Variants in MYH15 observed in about 807,000 individuals in gnomAD.
MYH15 encodes myosin-15.
MYH15 carries 227 observed loss-of-function variants against 240.5 expected under a neutral mutation model. The ratio of observed to expected loss-of-function variants is 0.94; its 90% CI spans 0.85 to 1.05. The LOEUF (loss-of-function observed/expected upper bound fraction) is 1.05. Ranked by LOEUF, MYH15 falls within the 50% of genes least tolerant of loss-of-function variation. MYH15 has a pLI of 0.00. For missense variants in MYH15, 2,217 were observed against 2,247.5 expected (o/e 0.99, Z 0.27); for synonymous variants, 785 against 796.7 (o/e 0.99, Z 0.25).
intron 33 of MYH15, among the ~76,000 whole-genome samples, chr3:108,403,689 T>C (rs1471108635): frequency 3.3e-5 from 5 of 152,148 alleles, no homozygotes; most frequent in East Asian, 1.9e-4. Flanking sequence ...CTACCTATTA[T>C]AGTTATTATG....
intron 2 of MYH15, among the ~76,000 whole-genome samples, chr3:108,503,114 T>C (rs1329813735): frequency 6.6e-6 from 1 of 151,948 alleles, no homozygotes; most frequent in African/African-American, 2.4e-5. Flanking sequence ...AGGGAGATAG[T>C]GAAGCTGGGG....
upstream of MYH15, among the ~76,000 whole-genome samples, chr3:108,532,625 GCT>G (rs1340407254): frequency 1.3e-5 from 2 of 152,060 alleles, no homozygotes; most frequent in Non-Finnish European, 2.9e-5. Context: ...TCTCACTCTT[GCT>G]CTCTCTGTAC....
At chr3:108,392,890 T>C (rs1287326494) in intron 36 of MYH15, among the ~76,000 whole-genome samples, 1 of 152,230 alleles carries the variant, frequency 6.6e-6, no homozygotes, top group Non-Finnish European at 1.5e-5. Flanking sequence ...ATTTGTTCCC[T>C]TGGCCATCAA....
chr3:108,488,647 T>A (rs191885810), intron 9 of MYH15, among the ~76,000 whole-genome samples: 14 of 152,294 alleles, frequency 9.2e-5, no homozygotes, highest in African/African-American at 3.4e-4. Flanking sequence ...TAGTATCCTA[T>A]TGTGTATATA....
At chr3:108,399,903 T>G (rs2082491268) in intron 33 of MYH15, among the ~76,000 whole-genome samples, 1 of 152,122 alleles carries the variant, frequency 6.6e-6, no homozygotes, top group Admixed American at 6.5e-5. Context: ...AAACTAGAAC[T>G]AAAAACGTAT....
upstream of MYH15, among the ~76,000 whole-genome samples, chr3:108,533,044 T>A (rs1043625765): frequency 2.6e-5 from 4 of 152,082 alleles, no homozygotes; most frequent in Non-Finnish European, 5.9e-5. Flanking sequence ...AAATTTGTTG[T>A]TCCTAGTCTC....
chr3:108,391,266 T>A (rs1396386190), intron 37 of MYH15, among the ~76,000 whole-genome samples: 1 of 152,226 alleles, frequency 6.6e-6, no homozygotes, highest in African/African-American at 2.4e-5. Context: ...TATTACTCAT[T>A]TTTAAGCTCC....
intron 23 of MYH15, 46 bp from the exon 24 acceptor site, chr3:108,439,959 T>C (rs753866183): frequency 2.0e-6 from 3 of 1,485,652 alleles, no homozygotes; most frequent in Non-Finnish European, 2.7e-6. Flanking sequence ...TGCTGGAAAG[T>C]TGGGCATAAC....
chr3:108,411,553 C>T (rs1446764039), intron 30 of MYH15, among the ~76,000 whole-genome samples: 1 of 152,204 alleles, frequency 6.6e-6, no homozygotes, highest in Admixed American at 6.5e-5. Context: ...TAGCCCCCAT[C>T]TGCTGTTCCT....
chr3:108,424,972 G>T (rs541188266), intron 27 of MYH15, among the ~76,000 whole-genome samples: 4 of 152,196 alleles, frequency 2.6e-5, no homozygotes, highest in Non-Finnish European at 5.9e-5. Context: ...GTAATTGAGT[G>T]CAGAGACTCT....
intron 11 of MYH15, among the ~76,000 whole-genome samples, chr3:108,480,159 A>C (rs1426528532): frequency 3.3e-5 from 5 of 152,224 alleles, no homozygotes; most frequent in Non-Finnish European, 7.3e-5. Context: ...ACTGTGAAGT[A>C]GGGAAAGAGC....
chr3:108,452,516 T>C (rs908014004), intron 21 of MYH15, among the ~76,000 whole-genome samples: 2 of 152,260 alleles, frequency 1.3e-5, no homozygotes, highest in South Asian at 2.1e-4. Flanking sequence ...CCTAGATTCA[T>C]TAACATTGAT....
rs2107548159 is a variant in MYH15 at position 108,410,832 on chromosome 3, C to T, written c.4246G>A (p.Glu1416Lys). The change falls in exon 31 of 41, where the codon GAG becomes AAG. Residue 1416 changes from glutamate (E) to lysine (K), a missense_variant. By Grantham distance (56) the Glu-to-Lys change is moderately conservative. Coordinates refer to ENST00000693548, the MANE Select transcript of MYH15 (RefSeq NM_014981.3). ...LERARHQLQL[E>K]LGDALSDLGK... ...AGGTCAGACAGGGCGTCCCCGAGCT[C>T]CAGCTGCAGCTGGTGCCTGGCTCTC... is the stretch of plus-strand genomic sequence containing the variant. 6.2e-7 allele frequency: 1 copy of T among 1,614,018 alleles called. No individual in the cohort carries two copies. The highest frequency in any genetic ancestry group is 8.5e-7 in the Non-Finnish European group (1 of 1,179,866).
chr3:108,416,675 T>C (rs2082635545), intron 29 of MYH15, 137 bp downstream of exon 29: 1 of 724,748 alleles, frequency 1.4e-6, no homozygotes, highest in Non-Finnish European at 2.3e-6. Context: ...CTTCCTGGCA[T>C]GGTTTTTCCC....
chr3:108,498,301 G>C (rs2014203), intron 5 of MYH15, among the ~76,000 whole-genome samples, 156 bp from the exon 6 acceptor site: 3 of 152,136 alleles, frequency 2.0e-5, no homozygotes, highest in African/African-American at 7.2e-5. Context: ...ACATTTAATT[G>C]GTTGGGAGAA....
chr3:108,432,072 G>A (rs2082783889), intron 25 of MYH15, among the ~76,000 whole-genome samples: 1 of 151,948 alleles, frequency 6.6e-6, no homozygotes, highest in African/African-American at 2.4e-5. Context: ...GTTTTGTTTT[G>A]TTTTCAGACT....
chr3:108,444,144 T>C (rs1195193877), intron 22 of MYH15, among the ~76,000 whole-genome samples: 1 of 151,454 alleles, frequency 6.6e-6, no homozygotes, highest in Non-Finnish European at 1.5e-5. Context: ...ACTTAAAGTA[T>C]AATAATAATA....
chr3:108,529,847 G>A (rs1055380548), upstream of MYH15, among the ~76,000 whole-genome samples: 1 of 152,188 alleles, frequency 6.6e-6, no homozygotes, highest in African/African-American at 2.4e-5. Flanking sequence ...TTTGAGTTAA[G>A]GAGATGAAGC....
chr3:108,440,601 T>C (rs985751118), intron 23 of MYH15, among the ~76,000 whole-genome samples: 3 of 151,272 alleles, frequency 2.0e-5, no homozygotes, highest in African/African-American at 7.3e-5. Context: ...TAAAGTGACA[T>C]CTTCAAGGTC....
Sources: gnomAD v4.1 joint callset for allele counts (sites outside exome capture counted in the v4.1 genomes callset) on GRCh38, gnomAD v4.1.1 for gene constraint, MANE v1.5 for transcripts, NCBI Gene and HGNC (gene_info 2026-07-23, HGNC 2026-07-21) for gene names.